Variants in OR1F1 observed in about 807,000 individuals in gnomAD.
OR1F1 encodes olfactory receptor family 1 subfamily F member 1.
For synonymous variants in OR1F1, 184 were observed against 156.7 expected, an observed-to-expected ratio of 1.17 and a Z score of -1.30; for missense variants, 493 against 376.3, an observed-to-expected ratio of 1.31 and a Z score of -2.57.
At chr16:3,197,244 C>G in the OR1F1 span, among the ~76,000 whole-genome samples, 2 of 151,130 alleles carry the variant, frequency 1.3e-5, no homozygotes, top group African/African-American at 4.9e-5. Context: ...GTCTGAAACT[C>G]TTGACCTCAG....
chr16:3,204,772 C>G (rs1292319332), exon 1 of OR1F1: 4 of 1,614,194 alleles, frequency 2.5e-6, no homozygotes, highest in Non-Finnish European at 3.4e-6. Context: ...TGCCATCACT[C>G]ACTTCTTCTG....
At chr16:3,201,292 T>C (rs529161580), upstream of OR1F1, among the ~76,000 whole-genome samples, 59 of 152,366 alleles carry the variant, frequency 3.9e-4, no homozygotes, top group African/African-American at 1.4e-3. Context: ...GTTGTACAAA[T>C]ATCTGTTTGA....
the OR1F1 span, chr16:3,191,126 G>T: frequency 1.3e-5 from 2 of 152,162 alleles, no homozygotes; most frequent in Non-Finnish European, 2.9e-5. Flanking sequence ...TAATTTGCCC[G>T]ATACACAGCA....
chr16:3,189,758 G>A, the OR1F1 span: 3 of 151,856 alleles, frequency 2.0e-5, no homozygotes, highest in Non-Finnish European at 2.9e-5. Context: ...GATTCGGCTC[G>A]ACTTACAGAC....
At chr16:3,196,410 G>T in the OR1F1 span, among the ~76,000 whole-genome samples, 1 of 152,052 alleles carries the variant, frequency 6.6e-6, no homozygotes, top group Non-Finnish European at 1.5e-5. Context: ...TTGAGATGGG[G>T]TCTCCCTCTG....
At chr16:3,192,348 C>G in the OR1F1 span, among the ~76,000 whole-genome samples, 46 of 152,344 alleles carry the variant, frequency 3.0e-4, no homozygotes, top group African/African-American at 1.0e-3. Context: ...CCACTGCGCC[C>G]GGCCAACAGC....
chr16:3,191,488 C>T, the OR1F1 span, among the ~76,000 whole-genome samples: 7 of 152,288 alleles, frequency 4.6e-5, no homozygotes, highest in East Asian at 1.9e-4. Context: ...AGACATAAAA[C>T]GTTCCCAGGG....
At chr16:3,197,106 C>T in the OR1F1 span, among the ~76,000 whole-genome samples, 2 of 151,994 alleles carry the variant, frequency 1.3e-5, no homozygotes, top group African/African-American at 4.8e-5. Flanking sequence ...GAACTCCTGA[C>T]CTCAGGTGAT....
chr16:3,201,390 A>C (rs6501152), upstream of OR1F1, among the ~76,000 whole-genome samples: 42,697 of 152,124 alleles, frequency 0.28, 6,666 homozygotes, highest in African/African-American at 0.43. Flanking sequence ...CTGGGGGAAC[A>C]ACCCAACTGT....
the OR1F1 span, among the ~76,000 whole-genome samples, chr16:3,193,620 A>G: frequency 1.3e-5 from 2 of 151,500 alleles, no homozygotes; most frequent in Non-Finnish European, 3.0e-5. Flanking sequence ...TTTTTGAGAC[A>G]GGATCTCACT....
chr16:3,193,878 A>C, the OR1F1 span, among the ~76,000 whole-genome samples: 9 of 152,180 alleles, frequency 5.9e-5, no homozygotes, highest in African/African-American at 2.2e-4. Context: ...GCGATAAGTT[A>C]TTCTGTCTTT....
At chr16:3,197,175 ATT>A in the OR1F1 span, among the ~76,000 whole-genome samples, 7 of 136,046 alleles carry the variant, frequency 5.1e-5, no homozygotes, top group Admixed American at 1.5e-4. Flanking sequence ...CACACCTGGC[ATT>A]TTTTTTTTTT....
At chr16:3,191,440 T>A in the OR1F1 span, 2 of 152,134 alleles carry the variant, frequency 1.3e-5, no homozygotes, top group African/African-American at 2.4e-5. Context: ...ATTACGTCAC[T>A]TAGTTTCTAC....
At chr16:3,197,111 G>A in the OR1F1 span, among the ~76,000 whole-genome samples, 2 of 151,884 alleles carry the variant, frequency 1.3e-5, no homozygotes, top group African/African-American at 4.8e-5. Flanking sequence ...CCTGACCTCA[G>A]GTGATCCGCT....
chr16:3,191,986 T>C, the OR1F1 span, among the ~76,000 whole-genome samples: 1 of 152,194 alleles, frequency 6.6e-6, no homozygotes, highest in African/African-American at 2.4e-5. Context: ...GGCCTGCTGC[T>C]GTGGCTCGTT....
the OR1F1 span, among the ~76,000 whole-genome samples, chr16:3,192,445 A>T: frequency 6.6e-6 from 1 of 152,242 alleles, no homozygotes; most frequent in Non-Finnish European, 1.5e-5. Context: ...AATTTATAAA[A>T]TATAAAGTTA....
At chr16:3,198,823 A>G in the OR1F1 span, among the ~76,000 whole-genome samples, 5 of 151,972 alleles carry the variant, frequency 3.3e-5, no homozygotes, top group African/African-American at 1.2e-4. Flanking sequence ...CCCCGGCTCT[A>G]CAAAAAATAC....
At chr16:3,205,121 T>C in exon 1 of OR1F1, 2 of 1,613,990 alleles carry the variant, frequency 1.2e-6, no homozygotes, top group Non-Finnish European at 1.7e-6. Context: ...ATCTACAGCC[T>C]GAGGAACAGG....
upstream of OR1F1, among the ~76,000 whole-genome samples, chr16:3,203,238 C>T (rs79687465): frequency 0.027 from 4,091 of 152,294 alleles, 163 homozygotes; most frequent in African/African-American, 0.088. Flanking sequence ...GAATATGACC[C>T]TAGTGGCCAT....
Sources: gnomAD v4.1 joint callset for allele counts (sites outside exome capture counted in the v4.1 genomes callset) on GRCh38, gnomAD v4.1.1 for gene constraint, MANE v1.5 for transcripts, NCBI Gene and HGNC (gene_info 2026-07-23, HGNC 2026-07-21) for gene names.